UBR1: variants seen among roughly 807,000 people sequenced by gnomAD.
UBR1 encodes E3 ubiquitin-protein ligase UBR1.
A neutral mutation model predicts 242.1 loss-of-function variants in UBR1; 102 were observed. The observed-to-expected ratio is 0.42, with a 90% CI of 0.36 to 0.50. The LOEUF (loss-of-function observed/expected upper bound fraction) is 0.50. UBR1 is among the 20% of genes least tolerant of loss of function. UBR1 has a pLI of 0.01. For synonymous variants in UBR1, 675 were observed against 684.8 expected, an observed-to-expected ratio of 0.99 and a Z score of 0.22; for missense variants, 1,772 against 2,101.8, an observed-to-expected ratio of 0.84 and a Z score of 3.07.
At chr15:43,072,646 A>G (rs754121476) in intron 4 of UBR1, among the ~76,000 whole-genome samples, 6 of 152,208 alleles carry the variant, frequency 3.9e-5, no homozygotes, top group Non-Finnish European at 8.8e-5. Context: ...ATTAACTATG[A>G]TATTAACTGT....
At chr15:43,036,333 T>G in intron 18 of UBR1, 54 bp from the exon 19 acceptor site, 1 of 1,520,276 alleles carries the variant, frequency 6.6e-7, no homozygotes, top group Non-Finnish European at 9.1e-7. Context: ...AGAAACATTT[T>G]GTCTCATGTA....
chr15:43,103,189 AC>A (rs2034259028), intron 1 of UBR1, among the ~76,000 whole-genome samples: 1 of 151,756 alleles, frequency 6.6e-6, no homozygotes, highest in Non-Finnish European at 1.5e-5. Flanking sequence ...ATTAAATTAA[AC>A]CCTGTCTCTA....
At chr15:43,066,621 G>C (rs1349206491) in intron 6 of UBR1, among the ~76,000 whole-genome samples, 2 of 152,018 alleles carry the variant, frequency 1.3e-5, no homozygotes, top group Admixed American at 6.6e-5. Context: ...CCATTTGTTC[G>C]TGTCCTGTTG....
At chr15:43,054,721 C>T (rs191115069) in intron 12 of UBR1, 21 bp downstream of exon 12, 2 of 1,613,756 alleles carry the variant, frequency 1.2e-6, no homozygotes, top group Non-Finnish European at 1.7e-6. Context: ...GTGCCCTCAC[C>T]TTTTGACTTG....
intron 3 of UBR1, among the ~76,000 whole-genome samples, chr15:43,079,522 G>C (rs552147681): frequency 6.6e-6 from 1 of 151,996 alleles, no homozygotes. Flanking sequence ...GCTCACGCCT[G>C]TAATTCCAGC....
intron 1 of UBR1, chr15:43,091,954 C>T: frequency 2.4e-6 from 1 of 416,332 alleles, no homozygotes; most frequent in Non-Finnish European, 4.7e-6. Context: ...GATGCGGTGG[C>T]ACATACCTGT....
intron 44 of UBR1, among the ~76,000 whole-genome samples, chr15:42,953,160 G>C (rs1274679239): frequency 6.6e-6 from 1 of 152,180 alleles, no homozygotes; most frequent in Non-Finnish European, 1.5e-5. Context: ...ACTTGCTTGA[G>C]TCAACTAGTG....
intron 43 of UBR1, among the ~76,000 whole-genome samples, chr15:42,960,105 A>G (rs1596075647): frequency 6.6e-6 from 1 of 152,158 alleles, no homozygotes; most frequent in Admixed American, 6.5e-5. Context: ...GAGAGAGACT[A>G]TATTAGGGGA....
chr15:43,074,854 T>C, intron 4 of UBR1, 125 bp downstream of exon 4: 1 of 795,504 alleles, frequency 1.3e-6, no homozygotes, highest in East Asian at 2.5e-5. Flanking sequence ...AAAGCCTCCT[T>C]ACACCTAAAT....
chr15:43,020,678 C>T (rs2033098629), intron 27 of UBR1, among the ~76,000 whole-genome samples: 1 of 152,170 alleles, frequency 6.6e-6, no homozygotes, highest in Non-Finnish European at 1.5e-5. Flanking sequence ...AAGATCCGGC[C>T]CCTGGCCACC....
intron 15 of UBR1, 79 bp from the exon 16 acceptor site, chr15:43,038,311 T>C: frequency 6.9e-7 from 1 of 1,445,408 alleles, no homozygotes. Context: ...GTTTAGAAAC[T>C]TGTGCGATTT....
intron 33 of UBR1, among the ~76,000 whole-genome samples, chr15:42,995,694 C>A (rs1008413112): frequency 5.7e-4 from 86 of 151,864 alleles, no homozygotes; most frequent in African/African-American, 2.0e-3. Flanking sequence ...CAAAAAAAAA[C>A]AAGTAGCAAA....
At chr15:42,957,365 C>A (rs568452688) in intron 44 of UBR1, among the ~76,000 whole-genome samples, 2 of 151,938 alleles carry the variant, frequency 1.3e-5, no homozygotes, top group Admixed American at 6.6e-5. Context: ...CCATAGGGTA[C>A]GGGATGAGGG....
chr15:42,951,732 C>A (rs1390116859), intron 45 of UBR1, among the ~76,000 whole-genome samples: 2 of 152,100 alleles, frequency 1.3e-5, no homozygotes, highest in East Asian at 3.9e-4. Flanking sequence ...AGCCCATCCA[C>A]CTCAGCCTCT....
chr15:43,052,175 T>C (rs545566353), intron 12 of UBR1, among the ~76,000 whole-genome samples: 75 of 152,318 alleles, frequency 4.9e-4, no homozygotes, highest in South Asian at 4.6e-3. Context: ...ATGGTATACA[T>C]GCACCTGGAA....
At chr15:42,970,379 C>T in intron 40 of UBR1, 141 bp downstream of exon 40, 1 of 865,404 alleles carries the variant, frequency 1.2e-6, no homozygotes, top group South Asian at 1.5e-5. Context: ...AAGACCTAAA[C>T]CATAAAAACC....
chr15:42,960,770 CA>C, intron 42 of UBR1, 69 bp from the exon 43 acceptor site: 1 of 1,516,512 alleles, frequency 6.6e-7, no homozygotes, highest in Non-Finnish European at 9.1e-7. Flanking sequence ...GTCAACAAGC[CA>C]TTCTCTTTTT....
intron 24 of UBR1, 44 bp downstream of exon 24, chr15:43,025,337 C>A: frequency 6.4e-7 from 1 of 1,573,704 alleles, no homozygotes; most frequent in Non-Finnish European, 8.7e-7. Flanking sequence ...TGTGAAACCA[C>A]AGAAAATAGT....
chr15:43,044,983 A>G (rs1045229343), intron 14 of UBR1, among the ~76,000 whole-genome samples: 9 of 152,230 alleles, frequency 5.9e-5, no homozygotes, highest in African/African-American at 1.9e-4. Context: ...TGAATCTTAC[A>G]TGAACCCAGA....
Sources: allele counts gnomAD v4.1 joint callset (sites outside exome capture counted in the v4.1 genomes callset), GRCh38; gene constraint gnomAD v4.1.1; transcripts MANE v1.5; gene names NCBI Gene and HGNC (gene_info 2026-07-23, HGNC 2026-07-21).